PDE8B: variants seen among roughly 807,000 people sequenced by gnomAD.
PDE8B encodes high affinity cAMP-specific and IBMX-insensitive 3',5'-cyclic phosphodiesterase 8B.
PDE8B carries 26 observed loss-of-function variants against 101.3 expected under a neutral mutation model. The ratio of observed to expected loss-of-function variants is 0.26; its 90% CI spans 0.19 to 0.36. The LOEUF (loss-of-function observed/expected upper bound fraction) is 0.36. PDE8B is among the 10% of genes least tolerant of loss of function. The pLI, the probability that PDE8B is intolerant of heterozygous loss-of-function variation, is 1.00. For missense variants in PDE8B, 810 were observed against 1,163.1 expected (o/e 0.70, Z 4.42); for synonymous variants, 424 against 429.3 (o/e 0.99, Z 0.15).
rs536870374 is a variant in PDE8B, at chr5:77,291,416, G to A, written c.340-20578G>A. The A allele has an allele frequency of 5.9e-4, 943 of 1,611,590 alleles. 3 individuals are homozygous for A. Among genetic ancestry groups the A allele is most frequent in the Middle Eastern group, 6.7e-4 (3 of 4,482 alleles). On this transcript the variant is annotated intron_variant, in intron 1 of 21. Transcript: ENST00000264917. ...ATCGCCCTGGAAATTATGTAGAACCGACAATTGTGACAGGTCTTGCCCACG... is the reference window on the plus strand; with the variant it reads ...ATCGCCCTGGAAATTATGTAGAACCAACAATTGTGACAGGTCTTGCCCACG...
At chr5:77,306,146 A>T (rs1264948897) in intron 1 of PDE8B, among the ~76,000 whole-genome samples, 2 of 152,174 alleles carry the variant, frequency 1.3e-5, no homozygotes, top group East Asian at 1.9e-4. Flanking sequence ...GCACTGCATC[A>T]TCTGTTTTGC....
chr5:77,129,444 G>A, the PDE8B span, among the ~76,000 whole-genome samples: 10 of 152,050 alleles, frequency 6.6e-5, no homozygotes, highest in African/African-American at 2.4e-4. Context: ...TAAGAGAATG[G>A]TTTTTCTCGT....
At chr5:77,257,543 A>T (rs1759440505) in intron 1 of PDE8B, among the ~76,000 whole-genome samples, 1 of 152,244 alleles carries the variant, frequency 6.6e-6, no homozygotes, top group South Asian at 2.1e-4. Context: ...CTAAAATATT[A>T]TGCATCTAAT....
intron 1 of PDE8B, among the ~76,000 whole-genome samples, chr5:77,235,575 G>A (rs1032607489): frequency 6.6e-6 from 1 of 152,030 alleles, no homozygotes; most frequent in African/African-American, 2.4e-5. Flanking sequence ...TACAAACAAG[G>A]TCCTTACACT....
chr5:77,246,193 A>T (rs78250921), intron 1 of PDE8B, among the ~76,000 whole-genome samples: 93 of 151,112 alleles, frequency 6.2e-4, no homozygotes, highest in African/African-American at 1.7e-3. Flanking sequence ...TCATAATATT[A>T]AAAAAAAATG....
intron 1 of PDE8B, among the ~76,000 whole-genome samples, chr5:77,289,729 G>A (rs936183415): frequency 1.3e-5 from 2 of 152,230 alleles, no homozygotes; most frequent in African/African-American, 2.4e-5. Flanking sequence ...ATCCTTTACT[G>A]TGAGGCCAGT....
At chr5:77,190,241 A>C in the PDE8B span, among the ~76,000 whole-genome samples, 1 of 152,168 alleles carries the variant, frequency 6.6e-6, no homozygotes, top group Non-Finnish European at 1.5e-5. Context: ...CAAACCTTCC[A>C]GGGAGTTCTA....
Position 77,287,183 on chromosome 5 carries a change from G to T in PDE8B, c.340-24811G>T, listed in dbSNP as rs554971893. On this transcript the variant is annotated intron_variant, in intron 1 of 21. Coordinates refer to ENST00000264917, the MANE Select transcript of PDE8B (RefSeq NM_003719.5). ...ACCCTTTATTATTATTTTTTTTAGT[G>T]CAATAGTTCTAGTAACAAATTCTCT... 1.6e-3 allele frequency among the ~76,000 whole-genome samples: 250 copies of T among 151,836 alleles called. 2 individuals carry two copies. Among genetic ancestry groups the T allele is most frequent in the African/African-American group, 5.7e-3 (238 of 41,426 alleles).
intron 2 of PDE8B, among the ~76,000 whole-genome samples, chr5:77,313,437 C>A (rs1027965904): frequency 6.6e-6 from 1 of 152,118 alleles, no homozygotes; most frequent in South Asian, 2.1e-4. Context: ...TCATTCTGAG[C>A]CATGCCCTTT....
At chr5:77,377,550 C>T (rs143850921) in intron 10 of PDE8B, among the ~76,000 whole-genome samples, 14 of 152,302 alleles carry the variant, frequency 9.2e-5, no homozygotes, top group Non-Finnish European at 1.5e-4. Context: ...AGATGTGATG[C>T]TTAGTTTTAG....
intron 1 of PDE8B, among the ~76,000 whole-genome samples, chr5:77,264,903 A>G (rs1561438435): frequency 1.3e-5 from 2 of 152,208 alleles, no homozygotes; most frequent in Non-Finnish European, 2.9e-5. Context: ...AATTTGTAGC[A>G]GGTAATTTAA....
At chr5:77,241,721 A>G (rs1305102099) in intron 1 of PDE8B, among the ~76,000 whole-genome samples, 4 of 152,230 alleles carry the variant, frequency 2.6e-5, no homozygotes, top group Non-Finnish European at 5.9e-5. Context: ...TCTTCAAGCA[A>G]AGTTCACGTT....
chr5:77,160,550 T>C, the PDE8B span, among the ~76,000 whole-genome samples: 2 of 152,146 alleles, frequency 1.3e-5, no homozygotes, highest in Non-Finnish European at 2.9e-5. Context: ...AGAGTTGGAG[T>C]CTTTTTCATA....
intron 1 of PDE8B, among the ~76,000 whole-genome samples, chr5:77,308,116 A>C (rs1771668653): frequency 6.6e-6 from 1 of 152,188 alleles, no homozygotes; most frequent in South Asian, 2.1e-4. Flanking sequence ...GCCGTCTGTG[A>C]ATACACCTGC....
At chr5:77,218,830 A>G (rs1310912611) in intron 1 of PDE8B, among the ~76,000 whole-genome samples, 1 of 152,202 alleles carries the variant, frequency 6.6e-6, no homozygotes, top group African/African-American at 2.4e-5. Context: ...GGTAATCAAA[A>G]TGAGATTTTG....
At chr5:77,365,654 T>C (rs1783982256) in intron 10 of PDE8B, among the ~76,000 whole-genome samples, 1 of 152,178 alleles carries the variant, frequency 6.6e-6, no homozygotes, top group Admixed American at 6.5e-5. Flanking sequence ...CAGGGGCCTG[T>C]GTGTGCCCTT....
intron 10 of PDE8B, among the ~76,000 whole-genome samples, chr5:77,370,480 G>A (rs1468669484): frequency 6.6e-6 from 1 of 152,172 alleles, no homozygotes; most frequent in Non-Finnish European, 1.5e-5. Context: ...ATGGTTTTGA[G>A]TATATGATTT....
chr5:77,378,478 AAAAAAAG>A (rs1370068634), intron 10 of PDE8B, among the ~76,000 whole-genome samples: 3 of 151,328 alleles, frequency 2.0e-5, no homozygotes, highest in Admixed American at 6.6e-5. Context: ...AAAAAAAAAA[AAAAAAAG>A]GGCATGTACC....
At chr5:77,311,901 A>G (rs1449213046) in intron 1 of PDE8B, 93 bp from the exon 2 acceptor site, 2 of 980,396 alleles carry the variant, frequency 2.0e-6, no homozygotes, top group Non-Finnish European at 3.3e-6. Context: ...TTTAGTGCAC[A>G]CGGTGGCATA....
Sources: allele counts gnomAD v4.1 joint callset (sites outside exome capture counted in the v4.1 genomes callset), GRCh38; gene constraint gnomAD v4.1.1; transcripts MANE v1.5; gene names NCBI Gene and HGNC (gene_info 2026-07-23, HGNC 2026-07-21).